Variants in AFF3 observed in about 807,000 individuals in gnomAD.
The protein encoded by AFF3 is ALF transcription elongation factor 3.
A neutral mutation model predicts 129.7 loss-of-function variants in AFF3; 32 were observed. The ratio of observed to expected loss-of-function variants is 0.25; its 90% CI spans 0.19 to 0.33. The LOEUF is 0.33. Among genes scored for constraint, AFF3 ranks in the 10% least tolerant of loss-of-function variants. AFF3 has a pLI of 1.00. For missense variants in AFF3, 1,373 were observed against 1,592.0 expected, an observed-to-expected ratio of 0.86 and a Z score of 2.34; for synonymous variants, 644 against 635.4, an observed-to-expected ratio of 1.01 and a Z score of -0.20.
At chr2:99,636,296 G>A (rs1282794774) in intron 13 of AFF3, among the ~76,000 whole-genome samples, 3 of 152,176 alleles carry the variant, frequency 2.0e-5, no homozygotes, top group African/African-American at 7.2e-5. Flanking sequence ...GTGGGGAGCT[G>A]CCAGGGCTTC....
chr2:99,674,950 C>T (rs1221281057), intron 11 of AFF3, among the ~76,000 whole-genome samples: 2 of 152,210 alleles, frequency 1.3e-5, no homozygotes, highest in Non-Finnish European at 2.9e-5. Context: ...GTGCTAAACG[C>T]GTCCACACGT....
At chr2:99,640,816 T>C (rs929846990) in intron 13 of AFF3, among the ~76,000 whole-genome samples, 1 of 152,210 alleles carries the variant, frequency 6.6e-6, no homozygotes, top group African/African-American at 2.4e-5. Context: ...GACTGTAAGC[T>C]GGGCCTATGC....
chr2:99,855,925 T>C (rs1690491642), intron 7 of AFF3, among the ~76,000 whole-genome samples: 1 of 152,204 alleles, frequency 6.6e-6, no homozygotes, highest in African/African-American at 2.4e-5. Flanking sequence ...ACTGGCACTT[T>C]GCCTGTGTGG....
intron 11 of AFF3, among the ~76,000 whole-genome samples, chr2:99,694,733 G>A (rs1053304779): frequency 6.6e-6 from 1 of 152,170 alleles, no homozygotes; most frequent in Non-Finnish European, 1.5e-5. Context: ...TTGAGACGGA[G>A]TCTTGCTCTG....
At chr2:99,885,971 G>C (rs1315077828) in intron 7 of AFF3, among the ~76,000 whole-genome samples, 1 of 152,198 alleles carries the variant, frequency 6.6e-6, no homozygotes, top group African/African-American at 2.4e-5. Flanking sequence ...CTGGAGATAT[G>C]ACAGGAGATA....
At chr2:100,040,413 A>C (rs1339381233) in intron 4 of AFF3, among the ~76,000 whole-genome samples, 1 of 152,184 alleles carries the variant, frequency 6.6e-6, no homozygotes, top group Non-Finnish European at 1.5e-5. Context: ...GCCAATATAC[A>C]TCATTGAGTT....
chr2:99,546,259 T>C lies in AFF3; in HGVS notation c.*5215A>G, dbSNP rs1010630489. On this transcript the variant is annotated 3_prime_UTR_variant, in exon 25 of 25. Transcript: ENST00000672756. The stretch of plus-strand genomic sequence containing the variant: ...ACGTTCTTGAAAGACTGCTGGGTGT[T>C]TCTTAGCACAAACCACCTCTGAAAG... The C allele has an allele frequency of 2.2e-5, 5 of 232,494 alleles. No individual in the cohort carries two copies. The highest frequency in any genetic ancestry group is 1.1e-4 in the Admixed American group (2 of 17,758). The allele number at this position is 232,494 out of a possible 1,614,324, so 14.4% of individuals were successfully genotyped here.
intron 10 of AFF3, among the ~76,000 whole-genome samples, chr2:99,742,882 C>T (rs1452914859): frequency 6.6e-6 from 1 of 152,148 alleles, no homozygotes; most frequent in African/African-American, 2.4e-5. Context: ...TCAAAAATGC[C>T]AAGCTGGCAG....
At chr2:99,771,058 C>A (rs1038273357) in intron 8 of AFF3, among the ~76,000 whole-genome samples, 1 of 152,146 alleles carries the variant, frequency 6.6e-6, no homozygotes, top group East Asian at 1.9e-4. Context: ...TACATATATA[C>A]CACAGAATAC....
chr2:99,999,934 C>T (rs185480672), intron 7 of AFF3, among the ~76,000 whole-genome samples: 3 of 152,312 alleles, frequency 2.0e-5, no homozygotes, highest in South Asian at 4.1e-4. Flanking sequence ...ATCTCTTGGT[C>T]CCACAGCCCA....
At chr2:99,649,918 G>C (rs1023532533) in intron 12 of AFF3, among the ~76,000 whole-genome samples, 1 of 152,172 alleles carries the variant, frequency 6.6e-6, no homozygotes. Flanking sequence ...TTGTCGGGGG[G>C]GCAAAGGACT....
At chr2:99,814,323 C>T (rs1482779231) in intron 8 of AFF3, among the ~76,000 whole-genome samples, 2 of 151,994 alleles carry the variant, frequency 1.3e-5, no homozygotes, top group Non-Finnish European at 2.9e-5. Context: ...AAAAAGCCCA[C>T]AGGGGAAAGG....
At chr2:99,594,581 CT>C (rs2104993129) in intron 14 of AFF3, among the ~76,000 whole-genome samples, 1 of 152,204 alleles carries the variant, frequency 6.6e-6, no homozygotes, top group Non-Finnish European at 1.5e-5. Flanking sequence ...TTTCCTAGTA[CT>C]TTTGAGTGTT....
intron 8 of AFF3, among the ~76,000 whole-genome samples, chr2:99,822,823 C>G (rs903435509): frequency 6.6e-6 from 1 of 152,158 alleles, no homozygotes; most frequent in Non-Finnish European, 1.5e-5. Flanking sequence ...TTATTTCTTG[C>G]CTTTTTCCAG....
intron 8 of AFF3, among the ~76,000 whole-genome samples, chr2:99,786,354 C>T (rs1463933720): frequency 6.6e-6 from 1 of 152,188 alleles, no homozygotes; most frequent in Non-Finnish European, 1.5e-5. Flanking sequence ...TCCGCACACA[C>T]TAGCTCAGTG....
chr2:99,947,957 C>A (rs1576409862), intron 7 of AFF3, among the ~76,000 whole-genome samples: 1 of 152,198 alleles, frequency 6.6e-6, no homozygotes, highest in East Asian at 1.9e-4. Flanking sequence ...CACAGAGCAT[C>A]CTGCAGCCGA....
chr2:99,912,175 A>G (rs1362924696), intron 7 of AFF3, among the ~76,000 whole-genome samples: 1 of 152,242 alleles, frequency 6.6e-6, no homozygotes, highest in Non-Finnish European at 1.5e-5. Context: ...AGCCTATAAA[A>G]GGAAGACTGT....
chr2:99,659,470 T>C (rs1686037651), intron 12 of AFF3, among the ~76,000 whole-genome samples: 1 of 152,192 alleles, frequency 6.6e-6, no homozygotes, highest in African/African-American at 2.4e-5. Flanking sequence ...CAGATGGTGA[T>C]GCTGGTCAAA....
chr2:100,033,495 G>C (rs1009297360), intron 4 of AFF3, among the ~76,000 whole-genome samples: 5 of 152,130 alleles, frequency 3.3e-5, no homozygotes, highest in Non-Finnish European at 7.4e-5. Context: ...CCATTTACCA[G>C]ATGGTAAATT....
Sources: gnomAD v4.1 joint callset for allele counts (sites outside exome capture counted in the v4.1 genomes callset) on GRCh38, gnomAD v4.1.1 for gene constraint, MANE v1.5 for transcripts, NCBI Gene and HGNC (gene_info 2026-07-23, HGNC 2026-07-21) for gene names.